CHMP2A: variants seen among roughly 807,000 people sequenced by gnomAD.
CHMP2A encodes VPS2 homolog A.
Under a neutral mutation model 21.8 loss-of-function variants are expected in CHMP2A, and 6 were observed. The observed-to-expected ratio is 0.28, with a 90% confidence interval of 0.15 to 0.54. CHMP2A has a LOEUF of 0.54. Among genes scored for constraint, CHMP2A ranks in the 20% least tolerant of loss-of-function variants. The pLI, the probability that CHMP2A is intolerant of heterozygous loss-of-function variation, is 0.95. For synonymous variants in CHMP2A, 125 were observed against 107.0 expected (o/e 1.17, Z -1.04); for missense variants, 303 against 293.9 (o/e 1.03, Z -0.23).
In CHMP2A at chr19:58,551,811, C is replaced by T. The variant is rs760620086; in HGVS notation, c.542-35G>A. The T allele has an allele frequency of 5.6e-6, 9 of 1,613,980 alleles. 1 individual carries two copies. The Middle Eastern group carries it at 1.5e-3, about 266-fold the overall frequency. On this transcript the variant is annotated intron_variant, in intron 5 of 5. Transcript: ENST00000312547. ...AAGTGGGGGTTTGAGCAGGTGGGGT[C>T]AGGCAGCGGAGGGGAGTAATGCAGG...
chr19:58,552,871 G>C (rs1300912733), intron 2 of CHMP2A, among the ~76,000 whole-genome samples: 1 of 152,090 alleles, frequency 6.6e-6, no homozygotes, highest in East Asian at 1.9e-4. Flanking sequence ...AGACCTATCT[G>C]AGGCTCAGCT....
chr19:58,554,795 G>C (rs946986617), intron 1 of CHMP2A, 193 bp downstream of exon 1: 1 of 153,550 alleles, frequency 6.5e-6, no homozygotes, highest in African/African-American at 2.4e-5. Context: ...CGGGATGATG[G>C]AGATTCGGTC....
chr19:58,554,244 A>T lies in CHMP2A; in HGVS notation c.-24-8T>A. 1 of 1,595,446 alleles carries T rather than the reference A, an allele frequency of 6.3e-7. No homozygotes were observed. Among genetic ancestry groups the T allele is most frequent in the Non-Finnish European group, 8.5e-7 (1 of 1,170,090 alleles). ...AGAAGCTCACTGGCAGGCCTGAGAC[A>T]GATGTGAGTGAGGCCCAGTTGTAGG... On this transcript the variant is annotated splice_region_variant and splice_polypyrimidine_tract_variant and intron_variant, in intron 1 of 5. Transcript: ENST00000312547.
At chr19:58,554,959 G>C (rs1016549126) in intron 1 of CHMP2A, 29 bp downstream of exon 1, 3 of 152,226 alleles carry the variant, frequency 2.0e-5, no homozygotes, top group African/African-American at 7.2e-5. Context: ...CGCCCGCCCG[G>C]GATCCACGGT....
At chr19:58,553,061 CT>C (rs370666092) in intron 2 of CHMP2A, among the ~76,000 whole-genome samples, 452 of 144,430 alleles carry the variant, frequency 3.1e-3, no homozygotes, top group African/African-American at 6.3e-3. Flanking sequence ...TTACCCTTAC[CT>C]TTTTTTTTTT....
rs563451176 is a variant in CHMP2A, at chr19:58,554,030, A to G, written c.168+15T>C. The G allele has an allele frequency of 9.3e-6, 15 of 1,612,964 alleles. No homozygotes were observed. In the African/African-American group the frequency reaches 1.7e-4, roughly 19 times the overall value. ...TGCCTGATTGACAGCAACCTGCCCG[A>G]CCACCCACACTCACCATCTGGCCTT... On this transcript the variant is annotated intron_variant, in intron 2 of 5. Coordinates refer to ENST00000312547, the MANE Select transcript of CHMP2A (RefSeq NM_014453.4).
rs375863133 is a variant in CHMP2A, at chr19:58,551,818, C to T, written c.542-42G>A. 415 of 1,613,810 alleles carry T rather than the reference C, an allele frequency of 2.6e-4. 1 individual carries two copies. The Middle Eastern group carries it at 2.8e-3, about 11-fold the overall frequency. On this transcript the variant is annotated intron_variant, in intron 5 of 5. Coordinates refer to ENST00000312547, the MANE Select transcript of CHMP2A (RefSeq NM_014453.4). ...GGTTTGAGCAGGTGGGGTCAGGCAGCGGAGGGGAGTAATGCAGGGAAAGGG... is the reference window on the plus strand; with the variant it reads ...GGTTTGAGCAGGTGGGGTCAGGCAGTGGAGGGGAGTAATGCAGGGAAAGGG...
intron 3 of CHMP2A, 32 bp downstream of exon 3, chr19:58,552,226 TG>T: frequency 6.2e-7 from 1 of 1,614,076 alleles, no homozygotes; most frequent in South Asian, 1.1e-5. Context: ...CCATGGGTCG[TG>T]GGAGTGGGAA....
chr19:58,553,999 G>A, intron 2 of CHMP2A, 46 bp downstream of exon 2: 1 of 1,607,832 alleles, frequency 6.2e-7, no homozygotes, highest in South Asian at 1.1e-5. Context: ...ACTGCTGTTA[G>A]AGCCGTGCCT....
intron 2 of CHMP2A, chr19:58,553,818 C>A (rs1002232576): frequency 3.4e-6 from 2 of 585,278 alleles, no homozygotes; most frequent in Non-Finnish European, 6.0e-6. Context: ...GTCTGCTTAA[C>A]ACATTCCCTG....
Position 58,552,959 on chromosome 19 carries a change from C to G in CHMP2A, c.169-521G>C, listed in dbSNP as rs117920123. ...CTCTGCCTACCTGTTCAGGCCAAAA[C>G]CCTCTCACCCATCAAAGGCTGTGTT... On this transcript the variant is annotated intron_variant, in intron 2 of 5. Transcript: ENST00000312547. Among the ~76,000 whole-genome samples the G allele has an allele frequency of 1.0e-2, 1,519 of 152,298 alleles. 15 individuals are homozygous for G. The highest frequency in any genetic ancestry group is 0.016 in the Non-Finnish European group (1,084 of 68,030).
chr19:58,552,487 C>T (rs750141261), intron 2 of CHMP2A, 49 bp from the exon 3 acceptor site: 6 of 1,549,486 alleles, frequency 3.9e-6, no homozygotes, highest in East Asian at 2.3e-5. Context: ...GATTATCCTA[C>T]ACTTCTTGAC....
At chr19:58,553,854 C>T (rs965054155) in intron 2 of CHMP2A, 191 bp downstream of exon 2, 9 of 669,864 alleles carry the variant, frequency 1.3e-5, no homozygotes, top group Non-Finnish European at 2.3e-5. Flanking sequence ...TCACTCTCAT[C>T]ACTCAAGCCT....
At position 58,554,059 on chromosome 19, in the gene CHMP2A, T is replaced by G; in HGVS notation, c.154A>C (p.Lys52Gln). 4 of 1,613,950 alleles carry G rather than the reference T, an allele frequency of 2.5e-6. No homozygotes were observed. Among genetic ancestry groups the G allele is most frequent in the Non-Finnish European group, 3.4e-6 (4 of 1,180,022 alleles). Residue 52 changes from lysine (K) to glutamine (Q), a missense_variant, in exon 2 of 6, where the codon AAG becomes CAG. Coordinates refer to ENST00000312547, the MANE Select transcript of CHMP2A (RefSeq NM_014453.4). ...CCCACACTCACCATCTGGCCTTGCT[T>G]GGCCATCTTCTTAATGTCTGCAATG... ...KIIADIKKMA[K>Q]QGQMDAVRIM... is the part of the protein sequence containing the mutation.
In CHMP2A at chr19:58,551,952, G is replaced by A. The variant is rs1408847665; in HGVS notation, c.495C>T (p.Ser165=). The change falls in exon 5 of 6, where the codon TCC becomes TCT. Residue 165 remains serine (S), a synonymous_variant. Coordinates refer to ENST00000312547, the MANE Select transcript of CHMP2A (RefSeq NM_014453.4). ...EDEEESDAVV[S]QVLDELGLSL... ...TAAGTCCCAGCTCATCCAGAACCTG[G>A]GACACCACAGCATCACTAGGGAAGA... 6 of 1,614,088 alleles carry A rather than the reference G, an allele frequency of 3.7e-6. No individual in the cohort carries two copies. Among genetic ancestry groups the A allele is most frequent in the Non-Finnish European group, 4.2e-6 (5 of 1,180,030 alleles).
chr19:58,552,004 T>TC, intron 4 of CHMP2A, 37 bp from the exon 5 acceptor site: 1 of 1,614,144 alleles, frequency 6.2e-7, no homozygotes, highest in Non-Finnish European at 8.5e-7. Context: ...GGCTATGCAC[T>TC]CCGTGAGGGC....
rs200994047 is a variant in CHMP2A, at chr19:58,551,754, C to T, written c.564G>A (p.Ser188=). Residue 188 remains serine (S), a synonymous_variant, in exon 6 of 6, where the codon TCG becomes TCA. Transcript: ENST00000312547. ...ELSNLPSTGG[S]LSVAAGGKKA... ...TTTTCCCACCAGCAGCCACACTAAGCGAGCCCCCAGTTGAGGGGAGGTCTG... is the reference window on the plus strand; with the variant it reads ...TTTTCCCACCAGCAGCCACACTAAGTGAGCCCCCAGTTGAGGGGAGGTCTG... 1.7e-5 allele frequency: 27 copies of T among 1,614,072 alleles called. No individual in the cohort carries two copies. Among genetic ancestry groups the T allele is most frequent in the Admixed American group, 6.7e-5 (4 of 60,014 alleles).
chr19:58,551,990 T>C (rs2053832926), intron 4 of CHMP2A, 23 bp from the exon 5 acceptor site: 2 of 1,613,990 alleles, frequency 1.2e-6, no homozygotes, highest in South Asian at 1.1e-5. Flanking sequence ...GAGAACTCAG[T>C]GAGGGCTATG....
intron 2 of CHMP2A, 166 bp downstream of exon 2, chr19:58,553,879 G>C: frequency 1.2e-6 from 1 of 806,808 alleles, no homozygotes; most frequent in Non-Finnish European, 2.1e-6. Flanking sequence ...TCTCATACCA[G>C]TTCCTTGGAG....
Sources: gnomAD v4.1 joint callset for allele counts (sites outside exome capture counted in the v4.1 genomes callset) on GRCh38, gnomAD v4.1.1 for gene constraint, MANE v1.5 for transcripts, NCBI Gene and HGNC (gene_info 2026-07-23, HGNC 2026-07-21) for gene names.